GSTCD: variants seen among roughly 807,000 people sequenced by gnomAD.
GSTCD encodes the protein glutathione S-transferase C-terminal domain-containing protein.
Under a neutral mutation model 68.3 loss-of-function variants are expected in GSTCD, and 44 were observed. The ratio of observed to expected loss-of-function variants is 0.64; its 90% confidence interval spans 0.51 to 0.83. GSTCD has a LOEUF of 0.83. Among genes scored for constraint, GSTCD ranks in the 40% least tolerant of loss-of-function variants. The probability of loss-of-function intolerance (pLI) is 0.00; values close to 1 mark genes in which losing one functional copy is unlikely to be tolerated. For missense variants in GSTCD, 739 were observed against 735.9 expected (o/e 1.00, Z -0.05); for synonymous variants, 273 against 255.2 (o/e 1.07, Z -0.67).
intron 5 of GSTCD, among the ~76,000 whole-genome samples, chr4:105,816,482 C>T (rs1288495601): frequency 2.0e-5 from 3 of 152,084 alleles, no homozygotes; most frequent in Non-Finnish European, 4.4e-5. Context: ...AATGCCTTAG[C>T]AATATATTCT....
chr4:105,734,697 G>A (rs1009972819), intron 5 of GSTCD, among the ~76,000 whole-genome samples: 1 of 152,338 alleles, frequency 6.6e-6, no homozygotes, highest in South Asian at 2.1e-4. Context: ...GTCATTCTCT[G>A]TCCATCTTTG....
At chr4:105,786,687 G>A (rs1239540209) in intron 5 of GSTCD, among the ~76,000 whole-genome samples, 2 of 152,070 alleles carry the variant, frequency 1.3e-5, no homozygotes, top group Non-Finnish European at 2.9e-5. Flanking sequence ...AAGTATCTGA[G>A]TAGACATTTC....
intron 5 of GSTCD, among the ~76,000 whole-genome samples, chr4:105,745,789 G>A (rs1733779306): frequency 6.6e-6 from 1 of 152,156 alleles, no homozygotes; most frequent in Non-Finnish European, 1.5e-5. Flanking sequence ...ATAGTCAGAA[G>A]CATGACCTTA....
chr4:105,757,659 T>C lies in GSTCD; in HGVS notation c.1240+28160T>C, dbSNP rs888060599. Among the ~76,000 whole-genome samples, 4 of 152,324 alleles carry C rather than the reference T, an allele frequency of 2.6e-5. No homozygotes were observed. The South Asian group carries it at 6.2e-4, about 24-fold the overall frequency. On this transcript the variant is annotated intron_variant, in intron 5 of 11. Coordinates refer to ENST00000515279, the MANE Select transcript of GSTCD (RefSeq NM_001370181.1). ...CTTGCTAAGATATTTTATATCTCTG[T>C]ATCAAAAAGTAGAAATCATCAATGT...
At chr4:105,832,730 A>C (rs1723947349) in intron 8 of GSTCD, among the ~76,000 whole-genome samples, 1 of 152,152 alleles carries the variant, frequency 6.6e-6, no homozygotes, top group Admixed American at 6.5e-5. Context: ...GAGTGCCATC[A>C]CCCAGCACAG....
intron 5 of GSTCD, among the ~76,000 whole-genome samples, chr4:105,734,167 G>T (rs555505744): frequency 6.6e-6 from 1 of 152,016 alleles, no homozygotes; most frequent in Non-Finnish European, 1.5e-5. Flanking sequence ...TATGTGTCTT[G>T]GAGTTGCTCT....
chr4:105,783,054 C>T (rs2149250614), intron 5 of GSTCD, among the ~76,000 whole-genome samples: 1 of 152,244 alleles, frequency 6.6e-6, no homozygotes, highest in Non-Finnish European at 1.5e-5. Flanking sequence ...CACATTCTTT[C>T]CCTCTGTCTG....
At chr4:105,764,487 C>A (rs1047052537) in intron 5 of GSTCD, among the ~76,000 whole-genome samples, 1 of 152,192 alleles carries the variant, frequency 6.6e-6, no homozygotes. Context: ...AAGTTTTTCA[C>A]ATTTCTGGAA....
At chr4:105,827,666 T>C (rs1723702155) in intron 8 of GSTCD, among the ~76,000 whole-genome samples, 2 of 152,112 alleles carry the variant, frequency 1.3e-5, no homozygotes, top group Admixed American at 6.6e-5. Context: ...TTAAAAAATA[T>C]TGTGGCTAGA....
intron 8 of GSTCD, chr4:105,827,144 G>T (rs1723670761): frequency 6.6e-6 from 1 of 152,094 alleles, no homozygotes; most frequent in African/African-American, 2.4e-5. Context: ...TAAATGTTGA[G>T]GTAAAGTTTA....
At chr4:105,748,095 A>G (rs1473308511) in intron 5 of GSTCD, among the ~76,000 whole-genome samples, 1 of 152,034 alleles carries the variant, frequency 6.6e-6, no homozygotes, top group Non-Finnish European at 1.5e-5. Flanking sequence ...TCTCAACCTA[A>G]AATACAAAAA....
chr4:105,739,193 T>A (rs922994609), intron 5 of GSTCD, among the ~76,000 whole-genome samples: 75 of 152,370 alleles, frequency 4.9e-4, no homozygotes, highest in African/African-American at 1.8e-3. Context: ...TTCCACTTGA[T>A]CATGGTAATG....
In GSTCD at chr4:105,815,435, A is replaced by G. The variant is rs1722935432; in HGVS notation, c.1241-7519A>G. ...AATACCATATTTTAATATAGTATTA[A>G]TATTGCCAAGAATTTAGGGCCGTGT... On this transcript the variant is annotated intron_variant, in intron 5 of 11. Transcript: ENST00000515279. 3 of 152,218 alleles carry G rather than the reference A, an allele frequency of 2.0e-5. No individual in the cohort carries two copies. In the South Asian group the frequency reaches 6.2e-4, roughly 32 times the overall value. The allele number at this position is 152,218 out of a possible 1,614,324, so 9.4% of individuals were successfully genotyped here.
chr4:105,792,809 A>T (rs1735726869), intron 5 of GSTCD, among the ~76,000 whole-genome samples: 1 of 152,076 alleles, frequency 6.6e-6, no homozygotes, highest in Non-Finnish European at 1.5e-5. Flanking sequence ...TACTGCCAGA[A>T]GGAAACTTAG....
chr4:105,764,512 A>G (rs1391420580), intron 5 of GSTCD, among the ~76,000 whole-genome samples: 1 of 152,016 alleles, frequency 6.6e-6, no homozygotes, highest in African/African-American at 2.4e-5. Flanking sequence ...GAAGTCCATG[A>G]TCAGGGTGCC....
intron 5 of GSTCD, among the ~76,000 whole-genome samples, chr4:105,751,173 T>C (rs1402254103): frequency 7.2e-5 from 11 of 152,278 alleles, no homozygotes; most frequent in Admixed American, 7.2e-4. Flanking sequence ...ACTAAAATTA[T>C]TTAAGATGTC....
intron 5 of GSTCD, among the ~76,000 whole-genome samples, chr4:105,796,830 G>A (rs1184626000): frequency 6.6e-6 from 1 of 152,184 alleles, no homozygotes; most frequent in Non-Finnish European, 1.5e-5. Flanking sequence ...AAATGGGTAA[G>A]AGGAAATTGA....
At chr4:105,738,953 A>G (rs1490783106) in intron 5 of GSTCD, among the ~76,000 whole-genome samples, 1 of 152,180 alleles carries the variant, frequency 6.6e-6, no homozygotes, top group Non-Finnish European at 1.5e-5. Flanking sequence ...TTCCCCATTC[A>G]GTATGATGTT....
intron 5 of GSTCD, among the ~76,000 whole-genome samples, chr4:105,781,363 T>G (rs140563621): frequency 2.6e-5 from 4 of 151,702 alleles, no homozygotes; most frequent in Non-Finnish European, 4.4e-5. Context: ...ATCCTCCCCC[T>G]CAGCCCCCCA....
Sources: gnomAD v4.1 joint callset for allele counts (sites outside exome capture counted in the v4.1 genomes callset) on GRCh38, gnomAD v4.1.1 for gene constraint, MANE v1.5 for transcripts, NCBI Gene and HGNC (gene_info 2026-07-23, HGNC 2026-07-21) for gene names.